Variants in TAF4 observed in about 807,000 individuals in gnomAD.
The protein encoded by TAF4 is transcription initiation factor TFIID subunit 4.
TAF4 carries 9 observed loss-of-function variants against 90.3 expected under a neutral mutation model. The observed-to-expected ratio is 0.10, with a 90% CI of 0.06 to 0.17. The LOEUF is 0.17. Ranked by LOEUF, TAF4 falls within the 10% of genes least tolerant of loss-of-function variation. TAF4 has a pLI of 1.00. For missense variants in TAF4, 1,351 were observed against 1,370.7 expected, an observed-to-expected ratio of 0.99 and a Z score of 0.23; for synonymous variants, 818 against 638.9, an observed-to-expected ratio of 1.28 and a Z score of -4.23.
At chr20:62,026,794 C>T (rs1294787093) in intron 1 of TAF4, among the ~76,000 whole-genome samples, 2 of 152,218 alleles carry the variant, frequency 1.3e-5, no homozygotes, top group Admixed American at 1.3e-4. Context: ...AGAGCTGGGC[C>T]CAACACTCTC....
intron 1 of TAF4, among the ~76,000 whole-genome samples, chr20:62,019,735 C>T (rs1159397225): frequency 3.3e-5 from 5 of 152,178 alleles, no homozygotes; most frequent in African/African-American, 1.2e-4. Flanking sequence ...TGAGTGAATC[C>T]CACCCTCCCT....
Position 61,976,154 on chromosome 20 carries a change from G to A in TAF4, c.*14C>T. ...TCTGCAAATATATAAAAAGTCCCCAGGCGTCCTCCTGTGTCACTTAAGGAA... is the reference window on the plus strand; with the variant it reads ...TCTGCAAATATATAAAAAGTCCCCAAGCGTCCTCCTGTGTCACTTAAGGAA... On this transcript the variant is annotated 3_prime_UTR_variant, in exon 15 of 15. Transcript: ENST00000252996. 6.2e-7 allele frequency: 1 copy of A among 1,612,470 alleles called. No homozygotes were observed. Among genetic ancestry groups the A allele is most frequent in the South Asian group, 1.1e-5 (1 of 91,082 alleles).
chr20:61,982,841 T>C (rs2055558943), intron 14 of TAF4, among the ~76,000 whole-genome samples: 1 of 152,000 alleles, frequency 6.6e-6, no homozygotes, highest in Non-Finnish European at 1.5e-5. Flanking sequence ...AGAGAACCCA[T>C]GAAGGGGAAG....
chr20:62,006,771 A>G lies in TAF4; in HGVS notation c.1975-13T>C. On this transcript the variant is annotated splice_polypyrimidine_tract_variant and intron_variant, in intron 6 of 14. Transcript: ENST00000252996. The surrounding 1 kb of genome is among the most constrained non-coding windows in gnomAD (Gnocchi z 7.0). ...CGGGTAAGCTCCTCTGGGTGGAAAG[A>G]CAGACACGAGGGGTCAGGCGGCTGC... The G allele has an allele frequency of 1.3e-6, 2 of 1,483,714 alleles. No homozygotes were observed. Among genetic ancestry groups the G allele is most frequent in the Non-Finnish European group, 1.8e-6 (2 of 1,108,200 alleles). 91.9% of individuals were successfully genotyped at this position (1,483,714 alleles called of 1,614,324 possible).
rs201585824 is a variant in TAF4 at position 62,017,385 on chromosome 20, T to TCCCA, written c.1361-2682_1361-2679dup. On this transcript the variant is annotated intron_variant, in intron 1 of 14. Transcript: ENST00000252996. ...CAGGCACGGTGGCTCACGCCTGTAA[T>TCCCA]CCCAGCACTTTGGGAGGCCAAGGCG... 8.8e-3 allele frequency among the ~76,000 whole-genome samples: 1,335 copies of TCCCA among 151,764 alleles called. 18 individuals are homozygous for TCCCA. The highest frequency in any genetic ancestry group is 0.028 in the African/African-American group (1,178 of 41,338).
At chr20:62,003,355 G>T in intron 8 of TAF4, 81 bp from the exon 9 acceptor site, 1 of 1,151,784 alleles carries the variant, frequency 8.7e-7, no homozygotes, top group Non-Finnish European at 1.3e-6. Context: ...CAGGCTCAAG[G>T]GCACAGCTAC....
chr20:62,064,394 C>T, intron 1 of TAF4, 57 bp downstream of exon 1: 1 of 1,277,860 alleles, frequency 7.8e-7, no homozygotes, highest in Non-Finnish European at 9.9e-7. Flanking sequence ...CTTCCTGGAA[C>T]TGGCAGCTGG....
rs28382087 is a variant in TAF4, at chr20:62,003,971, T to G, written c.2224-93A>C. On this transcript the variant is annotated intron_variant, in intron 7 of 14. Coordinates refer to ENST00000252996, the MANE Select transcript of TAF4 (RefSeq NM_003185.4). The stretch of plus-strand genomic sequence containing the variant: ...AGGAGGTTCTTCCCTTCCCTTCCTT[T>G]GCACCCCACGCCCCCAGTAAGAAGT... 7,225 of 1,429,068 alleles carry G rather than the reference T, an allele frequency of 5.1e-3. 341 individuals carry two copies. The African/African-American group carries it at 0.095, about 19-fold the overall frequency. The allele number at this position is 1,429,068 out of a possible 1,614,324, so 88.5% of individuals were successfully genotyped here.
In TAF4 at chr20:62,010,270, G is replaced by A; in HGVS notation, c.1642-105C>T. 6.5e-7 allele frequency: 1 copy of A among 1,539,226 alleles called. No homozygotes were observed. The highest frequency in any genetic ancestry group is 1.2e-5 in the South Asian group (1 of 85,290). The stretch of plus-strand genomic sequence containing the variant: ...AAAGAAAACAAGCCTCCCTGCGGTG[G>A]CCAGGACGCCCAGGAAGCCAAGGAC... On this transcript the variant is annotated intron_variant, in intron 3 of 14. Coordinates refer to ENST00000252996, the MANE Select transcript of TAF4 (RefSeq NM_003185.4). This position sits in a 1 kb window ranked among gnomAD's most constrained non-coding sequence, Gnocchi z 4.5.
At chr20:62,047,615 C>T (rs1277137975) in intron 1 of TAF4, among the ~76,000 whole-genome samples, 1 of 152,160 alleles carries the variant, frequency 6.6e-6, no homozygotes, top group Non-Finnish European at 1.5e-5. Flanking sequence ...CAGGACAGCG[C>T]TAGAGGCACC....
In TAF4 at chr20:62,064,627, C is replaced by G. The variant is rs977174212; in HGVS notation, c.1184G>C (p.Gly395Ala). The G allele has an allele frequency of 2.0e-5, 27 of 1,362,110 alleles. No individual in the cohort carries two copies. In the East Asian group the frequency reaches 7.8e-4, roughly 39 times the overall value. 84.4% of individuals were successfully genotyped at this position (1,362,110 alleles called of 1,614,324 possible). The change falls in exon 1 of 15, where the codon GGG becomes GCG. Residue 395 changes from glycine to alanine, a missense_variant. Coordinates refer to ENST00000252996, the MANE Select transcript of TAF4 (RefSeq NM_003185.4). ...SPAAVPPPAP[G>A]TPTGLPKGAA... Reference sequence around the variant, plus strand: ...GCCTTTGGGCAGCCCGGTGGGGGTCCCGGGGGCGGGCGGCGGGACGGCGGC... The same window carrying G: ...GCCTTTGGGCAGCCCGGTGGGGGTCGCGGGGGCGGGCGGCGGGACGGCGGC...
In TAF4 at chr20:62,064,454, G is replaced by A. The variant is rs1177475066; in HGVS notation, c.1357C>T (p.Pro453Ser). ...CCCGCCCCGTGCGGCCACTCACCTG[G>A]GGGCAGCTGGAAGTTCTGGATGTTG... ...PTNIQNFQLP[P>S]GMVLVRSENG... Residue 453 changes from proline to serine, a missense_variant, in exon 1 of 15, where the codon CCA (proline) becomes TCA (serine). Physicochemically the swap from Pro to Ser is moderately conservative, Grantham distance 74 (BLOSUM62 -1). Around this residue, in one of 9 missense-constraint regions of TAF4, gnomAD observed 782 missense variants for 536.6 expected, o/e 1.46. Coordinates refer to ENST00000252996, the MANE Select transcript of TAF4 (RefSeq NM_003185.4). 1 of 1,438,882 alleles carries A rather than the reference G, an allele frequency of 6.9e-7. No individual in the cohort carries two copies. The highest frequency in any genetic ancestry group is 1.5e-5 in the South Asian group (1 of 68,778). 89.1% of individuals were successfully genotyped at this position (1,438,882 alleles called of 1,614,324 possible).
chr20:61,992,180 T>C (rs2055635783), intron 14 of TAF4, among the ~76,000 whole-genome samples: 1 of 152,128 alleles, frequency 6.6e-6, no homozygotes, highest in Non-Finnish European at 1.5e-5. Context: ...AAACATGTCA[T>C]TATTTATGGC....
chr20:62,052,320 G>A (rs1459103342), intron 1 of TAF4, among the ~76,000 whole-genome samples: 1 of 151,970 alleles, frequency 6.6e-6, no homozygotes, highest in East Asian at 1.9e-4. Flanking sequence ...ATTGAGCATG[G>A]CTCCAAGATC....
intron 13 of TAF4, 53 bp downstream of exon 13, chr20:61,998,083 C>T (rs1304808835): frequency 5.8e-6 from 9 of 1,556,892 alleles, no homozygotes; most frequent in Admixed American, 1.9e-5. Context: ...TCCCGTGGGG[C>T]GCTACAGTGC....
chr20:62,061,134 G>A (rs2056086713), intron 1 of TAF4, among the ~76,000 whole-genome samples: 1 of 152,236 alleles, frequency 6.6e-6, no homozygotes, highest in South Asian at 2.1e-4. Context: ...TTGTGCCAGA[G>A]CACTGGCTGC....
intron 7 of TAF4, 132 bp from the exon 8 acceptor site, chr20:62,004,010 C>G: frequency 8.7e-7 from 1 of 1,151,446 alleles, no homozygotes; most frequent in South Asian, 1.7e-5. Context: ...AGGAAGACCC[C>G]GTGTGCAGCT....
chr20:62,063,348 C>G (rs2145527534), intron 1 of TAF4, among the ~76,000 whole-genome samples: 2 of 152,344 alleles, frequency 1.3e-5, no homozygotes, highest in Middle Eastern at 3.4e-3. Flanking sequence ...GCTCTCCTTG[C>G]AGTTCCTACT....
intron 14 of TAF4, among the ~76,000 whole-genome samples, chr20:61,985,902 CCACCATCCCCGACCAAAGGAAG>C (rs2055586861): frequency 1.2e-4 from 14 of 112,474 alleles, no homozygotes; most frequent in African/African-American, 4.9e-4. Flanking sequence ...ACCAAAGGAA[CCACCATCCCCGACCAAAGGAAG>C]CACCATCCCC....
Sources: allele counts gnomAD v4.1 joint callset (sites outside exome capture counted in the v4.1 genomes callset), GRCh38; gene constraint gnomAD v4.1.1; regional missense constraint gnomAD v4.1.1; non-coding constraint Gnocchi (gnomAD v3.1); transcripts MANE v1.5; gene names NCBI Gene and HGNC (gene_info 2026-07-23, HGNC 2026-07-21).